KDM3A: variants seen among roughly 807,000 people sequenced by gnomAD.
KDM3A encodes lysine-specific demethylase 3A.
KDM3A carries 60 observed loss-of-function variants against 158.0 expected under a neutral mutation model. That is an observed-to-expected ratio of 0.38 (90% CI 0.31 to 0.47). The LOEUF is 0.47. Ranked by LOEUF, KDM3A falls within the 20% of genes least tolerant of loss-of-function variation. The probability of loss-of-function intolerance (pLI) is 0.99; values close to 1 mark genes in which losing one functional copy is unlikely to be tolerated. For synonymous variants in KDM3A, 608 were observed against 549.3 expected (o/e 1.11, Z -1.49); for missense variants, 1,319 against 1,574.3 (o/e 0.84, Z 2.74).
At chr2:86,488,352 TTTCA>T (rs1227531945) in intron 21 of KDM3A, 9 of 152,172 alleles carry the variant, frequency 5.9e-5, no homozygotes, top group East Asian at 1.9e-4. Context: ...GCCATAATCG[TTTCA>T]TTGTCTTCTC....
chr2:86,481,844 TC>T (rs1268542297), intron 16 of KDM3A, 85 bp from the exon 17 acceptor site: 1 of 1,027,468 alleles, frequency 9.7e-7, no homozygotes, highest in Non-Finnish European at 1.5e-6. Flanking sequence ...GAAAGCAAGT[TC>T]TAAAGTAATT....
intron 2 of KDM3A, among the ~76,000 whole-genome samples, chr2:86,449,495 TAATG>T (rs1299023769): frequency 6.6e-6 from 1 of 152,206 alleles, no homozygotes; most frequent in Non-Finnish European, 1.5e-5. Flanking sequence ...GATGTCTAAT[TAATG>T]TATGTAAACG....
chr2:86,490,966 A>T lies in KDM3A; in HGVS notation c.3659A>T (p.Lys1220Ile). Residue 1220 changes from lysine to isoleucine, a missense_variant, in exon 24 of 26, where the codon AAA becomes ATA. Transcript: ENST00000312912. ...TGGTATTTAGACCGATCATTAAGAA[A>T]ACGTCTTCATCAAGAGTATGGAGTT... ...QSWYLDRSLR[K>I]RLHQEYGVQG... 1 of 1,614,018 alleles carries T rather than the reference A, an allele frequency of 6.2e-7. No individual in the cohort carries two copies. Among genetic ancestry groups the T allele is most frequent in the Non-Finnish European group, 8.5e-7 (1 of 1,179,890 alleles).
intron 19 of KDM3A, 178 bp from the exon 20 acceptor site, chr2:86,484,760 ATAGT>A: frequency 1.9e-6 from 1 of 518,788 alleles, no homozygotes; most frequent in East Asian, 3.0e-5. Flanking sequence ...AAAATGGTGG[ATAGT>A]TGGTAGGAGG....
chr2:86,474,742 T>TGTA, intron 11 of KDM3A, 34 bp from the exon 12 acceptor site: 3 of 1,083,110 alleles, frequency 2.8e-6, no homozygotes, highest in Non-Finnish European at 4.3e-6. Flanking sequence ...TGTGTGTGTG[T>TGTA]ACATTACATC....
At chr2:86,481,310 G>T (rs1673916392) in intron 16 of KDM3A, among the ~76,000 whole-genome samples, 1 of 152,118 alleles carries the variant, frequency 6.6e-6, no homozygotes, top group African/African-American at 2.4e-5. Flanking sequence ...GCAGTGGCAT[G>T]ATCTTGGCTC....
chr2:86,491,212 C>T lies in KDM3A; in HGVS notation c.3822C>T (p.Phe1274=). ...CTCCAGAGCATGTTAAACACTGCTT[C>T]TGGCTTACTCAGGAATTCCGATATC... ...FVSPEHVKHC[F]WLTQEFRYLS... The change falls in exon 25 of 26, where the codon TTC becomes TTT. Residue 1274 remains phenylalanine, a synonymous_variant. Transcript: ENST00000312912. The T allele has an allele frequency of 1.2e-6, 2 of 1,613,782 alleles. No individual in the cohort carries two copies. Among genetic ancestry groups the T allele is most frequent in the Non-Finnish European group, 1.7e-6 (2 of 1,179,702 alleles).
intron 11 of KDM3A, among the ~76,000 whole-genome samples, chr2:86,471,281 GTATA>G (rs1410249453): frequency 2.2e-5 from 3 of 133,402 alleles, no homozygotes; most frequent in African/African-American, 3.4e-5. Flanking sequence ...ATATATGTGT[GTATA>G]TATGTATATA....
In KDM3A at chr2:86,474,761, C is replaced by G; in HGVS notation, c.1725-15C>G. 8.1e-7 allele frequency: 1 copy of G among 1,238,350 alleles called. No individual in the cohort carries two copies. The allele number at this position is 1,238,350 out of a possible 1,614,324, so 76.7% of individuals were successfully genotyped here. ...TGTGTGTACATTACATCTTTTTTTC[C>G]CCTGCTTCCCCTAGGTTACAATTCA... On this transcript the variant is annotated splice_polypyrimidine_tract_variant and intron_variant, in intron 11 of 25. Transcript: ENST00000312912.
chr2:86,484,216 T>G, intron 19 of KDM3A, 58 bp downstream of exon 19: 1 of 1,483,816 alleles, frequency 6.7e-7, no homozygotes. Flanking sequence ...GACACAGGAA[T>G]GGCAGGAGTC....
chr2:86,489,127 C>T (rs756521156), intron 21 of KDM3A, 191 bp from the exon 22 acceptor site: 5 of 598,252 alleles, frequency 8.4e-6, no homozygotes, highest in Non-Finnish European at 1.1e-5. Context: ...CTGTTTTTGG[C>T]TTCTGAGTAT....
At chr2:86,441,181 G>T, upstream of KDM3A, 1 of 152,648 alleles carries the variant, frequency 6.6e-6, no homozygotes, top group Admixed American at 6.5e-5. Flanking sequence ...GAAGGGGGAG[G>T]GGAAAGGGAG....
At chr2:86,484,272 T>G in intron 19 of KDM3A, 114 bp downstream of exon 19, 1 of 902,306 alleles carries the variant, frequency 1.1e-6, no homozygotes, top group Non-Finnish European at 1.7e-6. Flanking sequence ...GATTTTGGAG[T>G]TTAAAATTAA....
intron 21 of KDM3A, chr2:86,487,749 C>T (rs1674252480): frequency 6.6e-6 from 1 of 152,268 alleles, no homozygotes; most frequent in Non-Finnish European, 1.5e-5. Flanking sequence ...GTCTAGCACT[C>T]CTTTCCCTTT....
chr2:86,456,779 G>T (rs755285937), intron 6 of KDM3A, 26 bp from the exon 7 acceptor site: 17 of 1,568,590 alleles, frequency 1.1e-5, no homozygotes, highest in Admixed American at 1.7e-5. Context: ...TTATTTTCCG[G>T]TATCTTTGTT....
chr2:86,459,667 A>G (rs1011063083), intron 8 of KDM3A, among the ~76,000 whole-genome samples: 1 of 152,156 alleles, frequency 6.6e-6, no homozygotes, highest in African/African-American at 2.4e-5. Context: ...GAGCAAGTAA[A>G]TTTCTAACCT....
intron 2 of KDM3A, 76 bp from the exon 3 acceptor site, chr2:86,449,730 GT>G: frequency 6.9e-7 from 1 of 1,452,566 alleles, no homozygotes; most frequent in Non-Finnish European, 9.3e-7. Flanking sequence ...TGAAGGTATA[GT>G]TCAGCTGGGG....
chr2:86,450,076 C>T (rs1016778788), intron 3 of KDM3A, 114 bp downstream of exon 3: 161 of 1,133,754 alleles, frequency 1.4e-4, no homozygotes, highest in Non-Finnish European at 1.9e-4. Flanking sequence ...CCCAGGATCT[C>T]CTGCCAGCCC....
At chr2:86,472,658 T>C (rs1195346845) in intron 11 of KDM3A, among the ~76,000 whole-genome samples, 1 of 152,198 alleles carries the variant, frequency 6.6e-6, no homozygotes, top group Non-Finnish European at 1.5e-5. Flanking sequence ...TATTCTACAC[T>C]CTTTTGGACA....
Sources: gnomAD v4.1 joint callset for allele counts (sites outside exome capture counted in the v4.1 genomes callset) on GRCh38, gnomAD v4.1.1 for gene constraint, MANE v1.5 for transcripts, NCBI Gene and HGNC (gene_info 2026-07-23, HGNC 2026-07-21) for gene names.